The following TADA2A variants were observed in gnomAD, a reference collection of about 807,000 sequenced individuals.
TADA2A encodes the protein transcriptional adaptor 2A.
A neutral mutation model predicts 67.4 loss-of-function variants in TADA2A; 38 were observed. That is an observed-to-expected ratio of 0.56 (90% CI 0.44 to 0.74). The LOEUF is 0.74. Ranked by LOEUF, TADA2A falls within the 30% of genes least tolerant of loss-of-function variation. The pLI is 0.00. For missense variants in TADA2A, 454 were observed against 547.0 expected (o/e 0.83, Z 1.70); for synonymous variants, 192 against 181.6 (o/e 1.06, Z -0.46).
chr17:37,448,734 T>G (rs1054757625), intron 8 of TADA2A, among the ~76,000 whole-genome samples: 1 of 152,184 alleles, frequency 6.6e-6, no homozygotes, highest in Non-Finnish European at 1.5e-5. Flanking sequence ...TATGATGAGC[T>G]CCTCCTATGT....
intron 2 of TADA2A, 78 bp downstream of exon 2, chr17:37,411,468 GC>G: frequency 7.2e-7 from 1 of 1,384,122 alleles, no homozygotes; most frequent in Non-Finnish European, 1.0e-6. Context: ...TGTTGCCCAG[GC>G]TGGGGTACAG....
intron 8 of TADA2A, among the ~76,000 whole-genome samples, chr17:37,446,470 T>TA (rs1405925380): frequency 2.0e-5 from 3 of 151,982 alleles, no homozygotes; most frequent in Non-Finnish European, 4.4e-5. Flanking sequence ...TGCTCAAAAA[T>TA]ACCAAATTTT....
At chr17:37,448,484 AAGAG>A (rs577106130) in intron 8 of TADA2A, among the ~76,000 whole-genome samples, 2 of 152,190 alleles carry the variant, frequency 1.3e-5, no homozygotes, top group African/African-American at 2.4e-5. Context: ...TTGGTTCAGA[AAGAG>A]AGAGAGAGAA....
intron 5 of TADA2A, chr17:37,438,159 T>C (rs185192422): frequency 5.3e-6 from 1 of 187,506 alleles, no homozygotes; most frequent in East Asian, 1.4e-4. Context: ...TTTTATGAAT[T>C]TTTGTTAGTT....
At chr17:37,424,706 G>C (rs533644583) in intron 3 of TADA2A, among the ~76,000 whole-genome samples, 239 of 151,950 alleles carry the variant, frequency 1.6e-3, no homozygotes, top group African/African-American at 5.6e-3. Context: ...ACAGGCATGC[G>C]CCACCACACC....
chr17:37,417,306 G>A (rs1037114696), intron 2 of TADA2A, among the ~76,000 whole-genome samples: 2 of 151,298 alleles, frequency 1.3e-5, no homozygotes, highest in African/African-American at 4.9e-5. Context: ...AACCCGGGAG[G>A]CAGAGGTTGC....
rs1555690106 is a variant in TADA2A at position 37,458,669 on chromosome 17, G to GTC, written c.668+83_668+84insCT. On this transcript the variant is annotated intron_variant, in intron 9 of 15. Transcript: ENST00000615182. ...TGTGTGTGTGTGTGTGTGTGTGTGT[G>GTC]TGTGTCTGTGTCTGTGTCTGTGAGA... 371 of 915,386 alleles carry GTC rather than the reference G, an allele frequency of 4.1e-4. No individual in the cohort carries two copies. The East Asian group carries it at 8.2e-3, about 20-fold the overall frequency. The allele number at this position is 915,386 out of a possible 1,614,324, so 56.7% of individuals were successfully genotyped here. A position where few individuals can be genotyped will look rare whatever the true frequency, so the allele number is the denominator to read the frequency against.
chr17:37,444,490 G>A (rs2053017520), intron 7 of TADA2A, among the ~76,000 whole-genome samples: 1 of 152,056 alleles, frequency 6.6e-6, no homozygotes, highest in African/African-American at 2.4e-5. Flanking sequence ...CCAATTTTTT[G>A]TTGTCACTAC....
rs71135723 is a variant in TADA2A at position 37,426,665 on chromosome 17, G to GA, written c.133-261dup. ...GGTGAAAGAGCAAGACTCCGTCTCA[G>GA]AAAAAAAAAAAAAAAAAAAAAAAAC... is the stretch of plus-strand genomic sequence containing the variant. On this transcript the variant is annotated intron_variant, in intron 3 of 15. Coordinates refer to ENST00000615182, the MANE Select transcript of TADA2A (RefSeq NM_001166105.3). The GA allele has an allele frequency of 4.1e-3, 499 of 121,288 alleles. 2 individuals are homozygous for GA. The highest frequency in any genetic ancestry group is 8.3e-3 in the Middle Eastern group (2 of 240). 7.5% of individuals were successfully genotyped at this position (121,288 alleles called of 1,614,324 possible). A position where few individuals can be genotyped will look rare whatever the true frequency, so the allele number is the denominator to read the frequency against.
At chr17:37,470,217 A>G (rs567465623) in intron 12 of TADA2A, among the ~76,000 whole-genome samples, 183 bp from the exon 13 acceptor site, 26 of 152,222 alleles carry the variant, frequency 1.7e-4, no homozygotes, top group Non-Finnish European at 3.8e-4. Context: ...AATACTTAGT[A>G]TTAAGAAAAG....
At chr17:37,415,207 A>G (rs1319381662) in intron 2 of TADA2A, among the ~76,000 whole-genome samples, 1 of 152,178 alleles carries the variant, frequency 6.6e-6, no homozygotes, top group African/African-American at 2.4e-5. Context: ...GAAAGATAGC[A>G]TACTATATAT....
intron 4 of TADA2A, 80 bp from the exon 5 acceptor site, chr17:37,437,658 A>C (rs1459624189): frequency 1.6e-6 from 2 of 1,268,572 alleles, no homozygotes; most frequent in African/African-American, 3.0e-5. Flanking sequence ...AAGTGCTGGG[A>C]GTATAGGCGT....
At position 37,416,619 on chromosome 17, in the gene TADA2A, C is replaced by T. The variant is rs144961592; in HGVS notation, c.25+5229C>T. ...TGGTGGCTCACGCCTGTAATCCCAG[C>T]ACTTTGGGAGGCCGAGGCAGGCAGA... On this transcript the variant is annotated intron_variant, in intron 2 of 15. Coordinates refer to ENST00000615182, the MANE Select transcript of TADA2A (RefSeq NM_001166105.3). Among the ~76,000 whole-genome samples the T allele has an allele frequency of 2.5e-3, 387 of 152,192 alleles. 6 individuals carry two copies. The highest frequency in any genetic ancestry group is 0.017 in the Admixed American group (265 of 15,264).
At chr17:37,412,673 A>G (rs1468654067) in intron 2 of TADA2A, among the ~76,000 whole-genome samples, 1 of 151,838 alleles carries the variant, frequency 6.6e-6, no homozygotes, top group Non-Finnish European at 1.5e-5. Context: ...AATCCCAGCT[A>G]CACGGGAGCT....
At chr17:37,466,074 T>A (rs1166997553) in intron 11 of TADA2A, among the ~76,000 whole-genome samples, 1 of 152,196 alleles carries the variant, frequency 6.6e-6, no homozygotes, top group Non-Finnish European at 1.5e-5. Flanking sequence ...TCTGTGGTAT[T>A]TCTGTGAGAG....
Position 37,458,594 on chromosome 17 carries a change from A to G in TADA2A, c.668+7A>G, listed in dbSNP as rs2053459371. The stretch of plus-strand genomic sequence containing the variant: ...AGAGACAAAGACGAAAAAAGTAAGT[A>G]TAAAAAACCATCCTGGCCTCCTTTC... On this transcript the variant is annotated splice_region_variant and intron_variant, in intron 9 of 15. Transcript: ENST00000615182. 4 of 1,612,028 alleles carry G rather than the reference A, an allele frequency of 2.5e-6. No homozygotes were observed. The East Asian group carries it at 6.7e-5, about 27-fold the overall frequency.
chr17:37,461,207 C>T (rs1429508625), intron 9 of TADA2A, among the ~76,000 whole-genome samples: 1 of 152,040 alleles, frequency 6.6e-6, no homozygotes, highest in Non-Finnish European at 1.5e-5. Flanking sequence ...GTGAGCAGTT[C>T]ACAATAGGGA....
chr17:37,464,358 C>G (rs573510285), intron 10 of TADA2A, among the ~76,000 whole-genome samples: 1 of 152,264 alleles, frequency 6.6e-6, no homozygotes, highest in Admixed American at 6.5e-5. Flanking sequence ...GTGGGACATG[C>G]AAGAAATCAC....
intron 6 of TADA2A, among the ~76,000 whole-genome samples, chr17:37,441,176 C>T (rs536082739): frequency 7.2e-5 from 11 of 152,004 alleles, no homozygotes; most frequent in African/African-American, 2.2e-4. Flanking sequence ...CTATACAGGA[C>T]ATCAAGGTGC....
Sources: gnomAD v4.1 joint callset for allele counts (sites outside exome capture counted in the v4.1 genomes callset) on GRCh38, gnomAD v4.1.1 for gene constraint, MANE v1.5 for transcripts, NCBI Gene and HGNC (gene_info 2026-07-23, HGNC 2026-07-21) for gene names.